Variants in KIAA1217 observed in about 807,000 individuals in gnomAD.
KIAA1217 encodes the protein sickle tail protein homolog.
Under a neutral mutation model 163.9 loss-of-function variants are expected in KIAA1217, and 88 were observed. The ratio of observed to expected loss-of-function variants is 0.54; its 90% CI spans 0.45 to 0.64. The LOEUF is 0.64. Among genes scored for constraint, KIAA1217 ranks in the 30% least tolerant of loss-of-function variants. The probability of loss-of-function intolerance (pLI) is 0.00; values close to 1 mark genes in which losing one functional copy is unlikely to be tolerated. For missense variants in KIAA1217, 2,372 were observed against 2,475.0 expected (o/e 0.96, Z 0.88); for synonymous variants, 903 against 923.1 (o/e 0.98, Z 0.39).
chr10:24,215,108 C>A (rs1041191411), intron 1 of KIAA1217, among the ~76,000 whole-genome samples: 1 of 152,234 alleles, frequency 6.6e-6, no homozygotes, highest in Admixed American at 6.5e-5. Context: ...TTCCAGAATG[C>A]CAAATCCTAG....
chr10:23,698,017 G>A (rs1418954527), intron 1 of KIAA1217, among the ~76,000 whole-genome samples: 1 of 152,130 alleles, frequency 6.6e-6, no homozygotes, highest in Non-Finnish European at 1.5e-5. Flanking sequence ...AAACTTTTCA[G>A]TGCTATGTGA....
intron 20 of KIAA1217, chr10:24,545,459 T>G: frequency 2.3e-6 from 3 of 1,280,952 alleles, no homozygotes; most frequent in Non-Finnish European, 3.0e-6. Flanking sequence ...TCACCACTAC[T>G]AACGTCTATG....
At chr10:24,100,905 A>T (rs898368096) in intron 2 of KIAA1217, among the ~76,000 whole-genome samples, 1 of 152,222 alleles carries the variant, frequency 6.6e-6, no homozygotes, top group Non-Finnish European at 1.5e-5. Context: ...ATATACTCCT[A>T]TTATTAAATG....
At chr10:23,872,465 C>G (rs1455989664) in intron 1 of KIAA1217, among the ~76,000 whole-genome samples, 1 of 152,126 alleles carries the variant, frequency 6.6e-6, no homozygotes, top group Non-Finnish European at 1.5e-5. Flanking sequence ...GACCCCCTGC[C>G]TCTGCCTGCT....
At chr10:24,414,713 C>T (rs1053348012) in intron 3 of KIAA1217, among the ~76,000 whole-genome samples, 1 of 152,204 alleles carries the variant, frequency 6.6e-6, no homozygotes, top group Non-Finnish European at 1.5e-5. Context: ...CTTGCGGACT[C>T]GCCCCACCCA....
At chr10:23,751,594 A>AT (rs1839742524) in intron 1 of KIAA1217, among the ~76,000 whole-genome samples, 2 of 151,924 alleles carry the variant, frequency 1.3e-5, no homozygotes, top group South Asian at 4.2e-4. Flanking sequence ...TACTTTCAGT[A>AT]TTAAAAAAAA....
chr10:24,002,111 C>T (rs1052586818), intron 1 of KIAA1217, among the ~76,000 whole-genome samples: 2 of 152,184 alleles, frequency 1.3e-5, no homozygotes, highest in Non-Finnish European at 2.9e-5. Flanking sequence ...GGTAAACAAT[C>T]TCACGGGGCT....
intron 1 of KIAA1217, among the ~76,000 whole-genome samples, chr10:23,948,577 T>A (rs1024019677): frequency 3.6e-4 from 55 of 152,142 alleles, no homozygotes; most frequent in Admixed American, 3.6e-3. Context: ...AAAGAGTTTC[T>A]GTATCAAAAA....
chr10:24,266,666 C>A (rs1000789479), intron 2 of KIAA1217, among the ~76,000 whole-genome samples: 4 of 152,130 alleles, frequency 2.6e-5, no homozygotes, highest in Admixed American at 6.5e-5. Flanking sequence ...CTGTAAAATG[C>A]ACTAATCAGC....
chr10:24,102,669 T>C (rs7097828), intron 2 of KIAA1217, among the ~76,000 whole-genome samples: 6,687 of 152,242 alleles, frequency 0.044, 513 homozygotes, highest in African/African-American at 0.15. Context: ...ATCAAGATAA[T>C]GTGGTATTAG....
intron 2 of KIAA1217, among the ~76,000 whole-genome samples, chr10:24,320,789 A>T (rs1248404571): frequency 1.3e-5 from 2 of 152,180 alleles, no homozygotes; most frequent in African/African-American, 4.8e-5. Context: ...CATACTTGTA[A>T]TCCCAGCACT....
chr10:24,528,868 T>C (rs1448631253), intron 14 of KIAA1217, among the ~76,000 whole-genome samples: 1 of 152,168 alleles, frequency 6.6e-6, no homozygotes, highest in Non-Finnish European at 1.5e-5. Flanking sequence ...CAAAATTGCA[T>C]TTTTTAATCA....
chr10:24,205,302 CAAAAAA>C (rs61292023), upstream of KIAA1217, among the ~76,000 whole-genome samples: 1 of 36,610 alleles, frequency 2.7e-5, no homozygotes, highest in Admixed American at 4.6e-4. Flanking sequence ...ACTAAAAATA[CAAAAAA>C]AAAAAAAAAA....
chr10:23,827,554 G>A (rs1837954685), intron 1 of KIAA1217, among the ~76,000 whole-genome samples: 1 of 152,076 alleles, frequency 6.6e-6, no homozygotes, highest in Admixed American at 6.5e-5. Context: ...TATGCCTCAG[G>A]CACTGTACTG....
At chr10:23,935,007 G>C (rs1164867076) in intron 1 of KIAA1217, among the ~76,000 whole-genome samples, 1 of 152,084 alleles carries the variant, frequency 6.6e-6, no homozygotes, top group Admixed American at 6.6e-5. Flanking sequence ...ATCTGTCATG[G>C]ATACTGAGGG....
chr10:23,810,677 T>A (rs550250746), intron 1 of KIAA1217, among the ~76,000 whole-genome samples: 2 of 128,544 alleles, frequency 1.6e-5, no homozygotes, highest in East Asian at 4.4e-4. Context: ...CTATATATAG[T>A]ATGCTATATA....
chr10:24,095,591 T>C (rs1589476727), intron 2 of KIAA1217, among the ~76,000 whole-genome samples: 1 of 152,158 alleles, frequency 6.6e-6, no homozygotes, highest in Non-Finnish European at 1.5e-5. Flanking sequence ...CTTTCCATGA[T>C]GCTGTTCTTT....
chr10:23,919,767 C>A (rs16924065), intron 1 of KIAA1217, among the ~76,000 whole-genome samples: 1 of 152,116 alleles, frequency 6.6e-6, no homozygotes, highest in African/African-American at 2.4e-5. Flanking sequence ...GTTCCAAACC[C>A]TATTCTTTCG....
intron 1 of KIAA1217, among the ~76,000 whole-genome samples, chr10:23,958,589 G>A (rs1037270660): frequency 3.3e-5 from 5 of 152,108 alleles, no homozygotes; most frequent in African/African-American, 4.8e-5. Flanking sequence ...TGAGAAAAAC[G>A]TGACTTTTCC....
Sources: allele counts gnomAD v4.1 joint callset (sites outside exome capture counted in the v4.1 genomes callset), GRCh38; gene constraint gnomAD v4.1.1; transcripts MANE v1.5; gene names NCBI Gene and HGNC (gene_info 2026-07-23, HGNC 2026-07-21).